KLF7: variants seen among roughly 807,000 people sequenced by gnomAD.
KLF7 encodes the protein KLF transcription factor 7.
Under a neutral mutation model 27.3 loss-of-function variants are expected in KLF7, and 2 were observed. The ratio of observed to expected loss-of-function variants is 0.07; its 90% CI spans 0.03 to 0.23. The LOEUF is 0.23. Ranked by LOEUF, KLF7 falls within the 10% of genes least tolerant of loss-of-function variation. The pLI is 1.00. For missense variants in KLF7, 221 were observed against 394.1 expected (o/e 0.56, Z 3.72); for synonymous variants, 165 against 162.4 (o/e 1.02, Z -0.12).
At position 207,124,319 on chromosome 2, in the gene KLF7, T is replaced by G. The variant is rs1481282809; in HGVS notation, c.188A>C (p.His63Pro). The G allele has an allele frequency of 6.2e-7, 1 of 1,612,624 alleles. No homozygotes were observed. The highest frequency in any genetic ancestry group is 1.3e-5 in the African/African-American group (1 of 74,960). ...TFGEDLDCFLHASPPPCIEES... is the reference protein window; with the variant it reads ...TFGEDLDCFLPASPPPCIEES... ...CTCAATGCACGGGGGAGGGGAAGCG[T>G]GGAGGAAACAGTCCAAGTCCTCACC... The change falls in exon 2 of 4, where the codon CAC (histidine) becomes CCC (proline). Residue 63 changes from histidine to proline, a missense_variant. This residue lies in a region of KLF7 where 180 missense variants were observed against 227.9 expected (regional missense o/e 0.79). Coordinates refer to ENST00000309446, the MANE Select transcript of KLF7 (RefSeq NM_003709.4).
At chr2:207,108,515 C>T (rs1346940701) in intron 2 of KLF7, among the ~76,000 whole-genome samples, 3 of 152,306 alleles carry the variant, frequency 2.0e-5, no homozygotes, top group African/African-American at 7.2e-5. Flanking sequence ...TTCCTTCAGC[C>T]TTCCAGGAAT....
At chr2:207,109,139 T>G (rs1047711060) in intron 2 of KLF7, among the ~76,000 whole-genome samples, 1 of 152,240 alleles carries the variant, frequency 6.6e-6, no homozygotes, top group Admixed American at 6.5e-5. Context: ...ACTTCAAGAA[T>G]CAATACCTTG....
intron 2 of KLF7, among the ~76,000 whole-genome samples, chr2:207,108,374 G>A (rs2076937549): frequency 6.6e-6 from 1 of 152,050 alleles, no homozygotes; most frequent in Non-Finnish European, 1.5e-5. Context: ...TTATTTCCAC[G>A]GCAGGTAGAA....
chr2:207,088,128 G>A (rs1382379196), intron 3 of KLF7, among the ~76,000 whole-genome samples: 2 of 152,200 alleles, frequency 1.3e-5, no homozygotes, highest in Non-Finnish European at 2.9e-5. Context: ...AGTCCCTACA[G>A]ATGACCATTC....
rs199580640 is a variant in KLF7, at chr2:207,102,396, A to G, written c.734-13815T>C. On this transcript the variant is annotated intron_variant, in intron 2 of 3. Transcript: ENST00000309446. The stretch of plus-strand genomic sequence containing the variant: ...TGTGACTTTATACTTTGGAAGGGGG[A>G]AAAAGAGGTGCAAGAAATATTAAGA... Among the ~76,000 whole-genome samples, 33 of 152,246 alleles carry G rather than the reference A, an allele frequency of 2.2e-4. No individual in the cohort carries two copies. In the East Asian group the frequency reaches 5.0e-3, roughly 23 times the overall value.
chr2:207,171,762 AC>A (rs1453552843), upstream of KLF7, among the ~76,000 whole-genome samples: 17 of 152,374 alleles, frequency 1.1e-4, no homozygotes, highest in South Asian at 1.2e-3. Context: ...TTGCACACTT[AC>A]TATAGAGTAT....
rs1490912683 is a variant in KLF7, at chr2:207,123,150, A to T, written c.733+624T>A. On this transcript the variant is annotated intron_variant, in intron 2 of 3. Coordinates refer to ENST00000309446, the MANE Select transcript of KLF7 (RefSeq NM_003709.4). Reference sequence around the variant, plus strand: ...TCCCCCACCCGCTCTTGCCACACACATAGCAATGTAATCACTTTAGCAACT... The same window carrying T: ...TCCCCCACCCGCTCTTGCCACACACTTAGCAATGTAATCACTTTAGCAACT... Among the ~76,000 whole-genome samples, 14 of 152,016 alleles carry T rather than the reference A, an allele frequency of 9.2e-5. No individual in the cohort carries two copies. The East Asian group carries it at 2.2e-3, about 23-fold the overall frequency.
Position 207,088,604 on chromosome 2 carries a change from C to T in KLF7, c.734-23G>A, listed in dbSNP as rs199842288. The T allele has an allele frequency of 7.9e-5, 127 of 1,609,756 alleles. No homozygotes were observed. The African/African-American group carries it at 1.3e-3, about 17-fold the overall frequency. ...CACCTGCAAGAAGAGATGGAAGGAC[C>T]GTGGTCAGCAGCAGGAACAAAAGGG... On this transcript the variant is annotated intron_variant, in intron 2 of 3. Coordinates refer to ENST00000309446, the MANE Select transcript of KLF7 (RefSeq NM_003709.4).
chr2:207,130,043 T>A (rs1480280147), intron 1 of KLF7, among the ~76,000 whole-genome samples: 3 of 152,218 alleles, frequency 2.0e-5, no homozygotes, highest in Non-Finnish European at 2.9e-5. Flanking sequence ...TAACCTGTCT[T>A]TATCTCATCA....
At chr2:207,086,454 G>A (rs2076391232) in intron 3 of KLF7, among the ~76,000 whole-genome samples, 4 of 152,192 alleles carry the variant, frequency 2.6e-5, no homozygotes, top group African/African-American at 7.2e-5. Flanking sequence ...CCTGTGTCGC[G>A]GGACGCTGAT....
intron 1 of KLF7, among the ~76,000 whole-genome samples, chr2:207,143,542 T>C (rs1161099083): frequency 6.6e-6 from 1 of 152,198 alleles, no homozygotes; most frequent in Non-Finnish European, 1.5e-5. Flanking sequence ...CTGTTGATGT[T>C]TTTCTGGCTT....
intron 1 of KLF7, among the ~76,000 whole-genome samples, chr2:207,149,613 T>C (rs754794183): frequency 6.6e-6 from 1 of 152,214 alleles, no homozygotes; most frequent in Non-Finnish European, 1.5e-5. Flanking sequence ...GGTAAGGCAG[T>C]ATGAGAGTGC....
Position 207,148,983 on chromosome 2 carries a change from T to C in KLF7, c.102+16484A>G. 3.5e-6 allele frequency: 4 copies of C among 1,139,370 alleles called. No individual in the cohort carries two copies. In the South Asian group the frequency reaches 7.3e-5, roughly 21 times the overall value. 70.6% of individuals were successfully genotyped at this position (1,139,370 alleles called of 1,614,324 possible). On this transcript the variant is annotated intron_variant, in intron 1 of 3. Transcript: ENST00000309446. ...ATATATGATATACCCAGTCATTACC[T>C]GTGTCATCTACTGTCCTTCCTTTTG...
In KLF7 at chr2:207,074,650, C is replaced by G. The variant is rs1020991035; in HGVS notation, c.*6563G>C. On this transcript the variant is annotated 3_prime_UTR_variant, in exon 4 of 4. Transcript: ENST00000309446. ...TTATTCCCTCTGATCTTTACCCTTC[C>G]TCCTTCACAGACTGCTTCAAAGATC... is the stretch of plus-strand genomic sequence containing the variant. The G allele has an allele frequency of 6.6e-6, 1 of 152,134 alleles. No homozygotes were observed. The highest frequency in any genetic ancestry group is 1.5e-5 in the Non-Finnish European group (1 of 68,042). The allele number at this position is 152,134 out of a possible 1,614,324, so 9.4% of individuals were successfully genotyped here. A position where few individuals can be genotyped will look rare whatever the true frequency, so the allele number is the denominator to read the frequency against.
intron 2 of KLF7, among the ~76,000 whole-genome samples, chr2:207,116,852 C>T (rs2077200989): frequency 6.6e-6 from 1 of 152,110 alleles, no homozygotes; most frequent in South Asian, 2.1e-4. Context: ...TTCCTCTTTT[C>T]TCTTCTCCTT....
upstream of KLF7, chr2:207,166,251 GC>G: frequency 2.2e-6 from 2 of 914,122 alleles, no homozygotes; most frequent in South Asian, 1.0e-4. Context: ...CCGGAGCAGA[GC>G]CTGGGGCGGG....
At chr2:207,104,512 A>T (rs2076837131) in intron 2 of KLF7, among the ~76,000 whole-genome samples, 1 of 152,206 alleles carries the variant, frequency 6.6e-6, no homozygotes, top group Non-Finnish European at 1.5e-5. Context: ...GTTGGCTAGT[A>T]TTTACTGGGC....
chr2:207,078,118 C>T lies in KLF7; in HGVS notation c.*3095G>A, dbSNP rs933035549. On this transcript the variant is annotated 3_prime_UTR_variant, in exon 4 of 4. Transcript: ENST00000309446. ...TGCAGAGGTGATGGACGTTTTATTACAAATCCATTTCCAAAATGATCAGGA... is the reference window on the plus strand; with the variant it reads ...TGCAGAGGTGATGGACGTTTTATTATAAATCCATTTCCAAAATGATCAGGA... The T allele has an allele frequency of 6.6e-6, 1 of 152,202 alleles. No individual in the cohort carries two copies. Among genetic ancestry groups the T allele is most frequent in the Admixed American group, 6.5e-5 (1 of 15,276 alleles). The allele number at this position is 152,202 out of a possible 1,614,324, so 9.4% of individuals were successfully genotyped here.
chr2:207,158,331 A>G (rs2078447240), intron 1 of KLF7, among the ~76,000 whole-genome samples: 1 of 151,070 alleles, frequency 6.6e-6, no homozygotes, highest in Non-Finnish European at 1.5e-5. Flanking sequence ...TCAGACCTCA[A>G]AAGACTTTTT....
Sources: allele counts gnomAD v4.1 joint callset (sites outside exome capture counted in the v4.1 genomes callset), GRCh38; gene constraint gnomAD v4.1.1; regional missense constraint gnomAD v4.1.1; transcripts MANE v1.5; gene names NCBI Gene and HGNC (gene_info 2026-07-23, HGNC 2026-07-21).